Variants in CSMD1 observed in about 807,000 individuals in gnomAD.
The protein encoded by CSMD1 is CUB and sushi domain-containing protein 1.
Under a neutral mutation model 417.5 loss-of-function variants are expected in CSMD1, and 213 were observed. The observed-to-expected ratio is 0.51, with a 90% CI of 0.46 to 0.57. The LOEUF (loss-of-function observed/expected upper bound fraction) is 0.57. Among genes scored for constraint, CSMD1 ranks in the 20% least tolerant of loss-of-function variants. The pLI is 0.00. For synonymous variants in CSMD1, 2,862 were observed against 1,736.8 expected (o/e 1.65, Z -16.11); for missense variants, 6,923 against 4,529.7 (o/e 1.53, Z -15.17).
intron 1 of CSMD1, among the ~76,000 whole-genome samples, chr8:4,774,154 C>A (rs756139437): frequency 6.6e-6 from 1 of 152,160 alleles, no homozygotes; most frequent in Non-Finnish European, 1.5e-5. Flanking sequence ...GAGCCAATAT[C>A]GTGCCACTGC....
chr8:3,291,551 T>C (rs1803564105), intron 25 of CSMD1, among the ~76,000 whole-genome samples: 1 of 152,198 alleles, frequency 6.6e-6, no homozygotes, highest in African/African-American at 2.4e-5. Flanking sequence ...TGGTTTAGTC[T>C]TGGGAGGATG....
At chr8:3,189,828 C>T (rs1796306029) in intron 34 of CSMD1, 84 bp downstream of exon 34, 2 of 1,285,016 alleles carry the variant, frequency 1.6e-6, no homozygotes, top group South Asian at 1.3e-5. Flanking sequence ...GATGGATTTA[C>T]GTAGCCTGGA....
intron 7 of CSMD1, among the ~76,000 whole-genome samples, chr8:3,659,848 A>G (rs937554443): frequency 4.9e-4 from 74 of 152,306 alleles, no homozygotes; most frequent in Non-Finnish European, 6.3e-4. Flanking sequence ...AGACTATACA[A>G]TTTCAACTTC....
At chr8:4,082,159 T>C (rs1454691688) in intron 3 of CSMD1, among the ~76,000 whole-genome samples, 1 of 152,144 alleles carries the variant, frequency 6.6e-6, no homozygotes, top group Non-Finnish European at 1.5e-5. Flanking sequence ...CTATAGATCC[T>C]AAGGACATTA....
intron 54 of CSMD1, among the ~76,000 whole-genome samples, chr8:2,982,403 C>T (rs975152492): frequency 2.6e-5 from 4 of 152,058 alleles, no homozygotes; most frequent in Non-Finnish European, 4.4e-5. Flanking sequence ...AACATAAGGT[C>T]CTATTGTTTA....
At chr8:3,626,232 G>A (rs1050020388) in intron 7 of CSMD1, among the ~76,000 whole-genome samples, 7 of 152,142 alleles carry the variant, frequency 4.6e-5, no homozygotes, top group Non-Finnish European at 1.0e-4. Flanking sequence ...CGGCTTAGCT[G>A]GAGGACTTAG....
At chr8:4,285,318 G>A (rs192221817) in intron 3 of CSMD1, among the ~76,000 whole-genome samples, 4 of 152,272 alleles carry the variant, frequency 2.6e-5, no homozygotes, top group African/African-American at 7.2e-5. Context: ...GCCATGTGCA[G>A]TCCTTTACTT....
chr8:4,971,177 CA>C (rs749806890), intron 1 of CSMD1, among the ~76,000 whole-genome samples: 11 of 151,880 alleles, frequency 7.2e-5, no homozygotes, highest in Non-Finnish European at 1.0e-4. Flanking sequence ...TTTTTGAACT[CA>C]AAAACAAAGC....
chr8:4,217,708 A>C (rs1044510577), intron 3 of CSMD1, among the ~76,000 whole-genome samples: 8 of 152,088 alleles, frequency 5.3e-5, no homozygotes, highest in African/African-American at 1.9e-4. Context: ...TTAAAGTTTT[A>C]GGAAATACAA....
chr8:4,697,087 G>C (rs1011700698), intron 1 of CSMD1, among the ~76,000 whole-genome samples: 1 of 152,104 alleles, frequency 6.6e-6, no homozygotes, highest in East Asian at 1.9e-4. Context: ...CAGGAGAATT[G>C]CTTGAACCCA....
chr8:4,788,134 C>T (rs1298122932), intron 1 of CSMD1: 4 of 1,602,384 alleles, frequency 2.5e-6, no homozygotes, highest in Admixed American at 3.4e-5. Flanking sequence ...ATGGGCTCTA[C>T]TTCTGATCTT....
At chr8:4,492,193 G>C (rs904427513) in intron 2 of CSMD1, among the ~76,000 whole-genome samples, 1 of 152,138 alleles carries the variant, frequency 6.6e-6, no homozygotes, top group Non-Finnish European at 1.5e-5. Context: ...GACTTCAAGG[G>C]ATCTGCCCAC....
intron 5 of CSMD1, among the ~76,000 whole-genome samples, chr8:3,775,204 A>G (rs1445230105): frequency 2.0e-5 from 3 of 152,232 alleles, no homozygotes; most frequent in African/African-American, 4.8e-5. Flanking sequence ...AAGAATTTTG[A>G]AAGGTTTAGA....
At chr8:4,641,971 G>T (rs1291901102) in intron 1 of CSMD1, among the ~76,000 whole-genome samples, 1 of 152,136 alleles carries the variant, frequency 6.6e-6, no homozygotes, top group Non-Finnish European at 1.5e-5. Flanking sequence ...AGTTAATGTT[G>T]CAATACTACC....
chr8:4,899,349 T>G (rs1274875787), intron 1 of CSMD1, among the ~76,000 whole-genome samples: 3 of 151,886 alleles, frequency 2.0e-5, no homozygotes, highest in Non-Finnish European at 4.4e-5. Flanking sequence ...TAACAAAAAG[T>G]GAGCCACTCA....
chr8:3,494,630 C>G lies in CSMD1; in HGVS notation c.1345-904G>C, dbSNP rs570256156. Among the ~76,000 whole-genome samples, 18 of 151,676 alleles carry G rather than the reference C, an allele frequency of 1.2e-4. 1 individual carries two copies. The highest frequency in any genetic ancestry group is 3.1e-4 in the African/African-American group (13 of 41,352). On this transcript the variant is annotated intron_variant, in intron 10 of 69. Coordinates refer to ENST00000635120, the MANE Select transcript of CSMD1 (RefSeq NM_033225.6). ...TAGATGACAGATAGTAGATAGATGA[C>G]AGACTGGATGGATGGATGGGTGGAT...
At chr8:4,300,998 G>C (rs1004594135) in intron 3 of CSMD1, among the ~76,000 whole-genome samples, 4 of 152,166 alleles carry the variant, frequency 2.6e-5, no homozygotes, top group Non-Finnish European at 2.9e-5. Context: ...AAACATAAGT[G>C]TGCATGTGTC....
chr8:3,983,281 C>T (rs1446615579), intron 5 of CSMD1, among the ~76,000 whole-genome samples: 9 of 152,028 alleles, frequency 5.9e-5, no homozygotes, highest in African/African-American at 2.2e-4. Flanking sequence ...CAGGCGCCCA[C>T]CACCACGCCC....
intron 3 of CSMD1, among the ~76,000 whole-genome samples, chr8:4,320,733 A>G (rs990577514): frequency 6.6e-5 from 10 of 152,158 alleles, no homozygotes; most frequent in Non-Finnish European, 1.5e-4. Context: ...TGTATGTGCC[A>G]CATTTTATTT....
Sources: allele counts gnomAD v4.1 joint callset (sites outside exome capture counted in the v4.1 genomes callset), GRCh38; gene constraint gnomAD v4.1.1; transcripts MANE v1.5; gene names NCBI Gene and HGNC (gene_info 2026-07-23, HGNC 2026-07-21).